Variants in SNCAIP observed in about 807,000 individuals in gnomAD.
The protein encoded by SNCAIP is synuclein alpha interacting protein, also known as synphilin-1.
In SNCAIP, 43 loss-of-function variants were observed where a neutral mutation model predicts 86.7. That is an observed-to-expected ratio of 0.50 (90% CI 0.39 to 0.64). The LOEUF (loss-of-function observed/expected upper bound fraction) is 0.64, where lower values mean the gene tolerates loss of function less well. Among genes scored for constraint, SNCAIP ranks in the 30% least tolerant of loss-of-function variants. The pLI is 0.00. For synonymous variants in SNCAIP, 417 were observed against 427.2 expected, an observed-to-expected ratio of 0.98 and a Z score of 0.29; for missense variants, 981 against 1,103.1, an observed-to-expected ratio of 0.89 and a Z score of 1.57.
At chr5:122,407,170 A>G (rs765564835) in intron 3 of SNCAIP, among the ~76,000 whole-genome samples, 81 of 152,302 alleles carry the variant, frequency 5.3e-4, no homozygotes, top group Non-Finnish European at 9.4e-4. Context: ...CCACAGATAG[A>G]GAGAAGAGGC....
chr5:122,365,276 T>G (rs1762949874), intron 1 of SNCAIP, among the ~76,000 whole-genome samples: 1 of 152,232 alleles, frequency 6.6e-6, no homozygotes, highest in African/African-American at 2.4e-5. Context: ...TTATGTTTAT[T>G]TTTAAATAAT....
intron 3 of SNCAIP, among the ~76,000 whole-genome samples, chr5:122,409,971 G>A (rs1185357753): frequency 6.6e-6 from 1 of 152,136 alleles, no homozygotes; most frequent in African/African-American, 2.4e-5. Flanking sequence ...AAAGAGCAGG[G>A]AAACACATTT....
At position 122,324,478 on chromosome 5, in the gene SNCAIP, C is replaced by T. The variant is rs370753299; in HGVS notation, c.-47+12194C>T. On this transcript the variant is annotated intron_variant, in intron 1 of 10. Transcript: ENST00000261368. ...TCTCAATGTATACGAGTATCTTTCA[C>T]AGTGTCTGGTATGTATTGTATGATC... Among the ~76,000 whole-genome samples the T allele has an allele frequency of 3.9e-5, 6 of 152,316 alleles. No individual in the cohort carries two copies. The South Asian group carries it at 1.0e-3, about 26-fold the overall frequency.
At chr5:122,391,001 C>A in intron 1 of SNCAIP, 88 bp from the exon 2 acceptor site, 2 of 735,450 alleles carry the variant, frequency 2.7e-6, no homozygotes, top group South Asian at 1.5e-5. Context: ...TAACCCTTCT[C>A]ATCTTATTTG....
At chr5:122,433,084 T>C (rs1778724341) in intron 6 of SNCAIP, among the ~76,000 whole-genome samples, 1 of 151,450 alleles carries the variant, frequency 6.6e-6, no homozygotes, top group South Asian at 2.1e-4. Flanking sequence ...TTAGGGATAG[T>C]TTATTTTGTG....
chr5:122,342,977 A>G (rs1168677353), intron 1 of SNCAIP, among the ~76,000 whole-genome samples: 1 of 152,246 alleles, frequency 6.6e-6, no homozygotes, highest in Non-Finnish European at 1.5e-5. Context: ...ACAAAATAGA[A>G]TGTCTTTTTC....
At chr5:122,318,966 CTTTTTTT>C (rs58667095) in intron 1 of SNCAIP, among the ~76,000 whole-genome samples, 24,230 of 130,534 alleles carry the variant, frequency 0.19, 2,102 homozygotes, top group South Asian at 0.33. Flanking sequence ...CTGTTATCAT[CTTTTTTT>C]TTTTTTTTTT....
chr5:122,351,459 C>A (rs1408797368), intron 1 of SNCAIP, among the ~76,000 whole-genome samples: 1 of 139,470 alleles, frequency 7.2e-6, no homozygotes, highest in East Asian at 2.2e-4. Flanking sequence ...ATTGCTTGAA[C>A]CCAGGAGGCA....
chr5:122,362,424 G>GACC (rs1762379368), intron 1 of SNCAIP, among the ~76,000 whole-genome samples: 1 of 152,158 alleles, frequency 6.6e-6, no homozygotes, highest in African/African-American at 2.4e-5. Flanking sequence ...AGTGTTTTCT[G>GACC]ACCCCAGGAA....
At chr5:122,410,823 AAAAC>A (rs767189455) in intron 3 of SNCAIP, among the ~76,000 whole-genome samples, 13 of 152,348 alleles carry the variant, frequency 8.5e-5, no homozygotes, top group South Asian at 6.2e-4. Flanking sequence ...TCCGTCTCAA[AAAAC>A]AAACAAACAA....
rs74746220 is a variant in SNCAIP at position 122,350,129 on chromosome 5, G to A, written c.-47+37845G>A. Among the ~76,000 whole-genome samples, 1,135 of 152,274 alleles carry A rather than the reference G, an allele frequency of 7.5e-3. 30 individuals are homozygous for A. Among genetic ancestry groups the A allele is most frequent in the Admixed American group, 0.032 (494 of 15,290 alleles). On this transcript the variant is annotated intron_variant, in intron 1 of 10. Coordinates refer to ENST00000261368, the MANE Select transcript of SNCAIP (RefSeq NM_005460.4). ...TTTATACAAATTTATTTCAAGAATT[G>A]CATTTTCTTGGTCTTGTCCCATTTC...
intron 1 of SNCAIP, among the ~76,000 whole-genome samples, chr5:122,332,842 G>C (rs1317510237): frequency 6.6e-6 from 1 of 152,170 alleles, no homozygotes; most frequent in African/African-American, 2.4e-5. Context: ...GGGAGAAGCA[G>C]GGGGCAGAAA....
At chr5:122,458,535 T>G (rs952258265) in intron 10 of SNCAIP, among the ~76,000 whole-genome samples, 1 of 152,132 alleles carries the variant, frequency 6.6e-6, no homozygotes, top group Non-Finnish European at 1.5e-5. Flanking sequence ...AAGCAATAGG[T>G]TAGTTGAGTT....
intron 10 of SNCAIP, among the ~76,000 whole-genome samples, chr5:122,462,831 A>C (rs140383262): frequency 1.9e-4 from 29 of 152,356 alleles, no homozygotes; most frequent in African/African-American, 6.5e-4. Flanking sequence ...TTTTACACCC[A>C]GAATGGGAGT....
intron 3 of SNCAIP, among the ~76,000 whole-genome samples, chr5:122,418,891 G>C (rs1233759496): frequency 6.6e-6 from 1 of 152,144 alleles, no homozygotes; most frequent in East Asian, 1.9e-4. Context: ...ACTGAAAAAA[G>C]AGACCAGGGG....
chr5:122,353,589 G>A (rs752040249), intron 1 of SNCAIP, among the ~76,000 whole-genome samples: 4 of 152,012 alleles, frequency 2.6e-5, no homozygotes, highest in Admixed American at 6.6e-5. Context: ...TCATGGGGGC[G>A]GGTCTTTCTT....
intron 1 of SNCAIP, among the ~76,000 whole-genome samples, chr5:122,380,459 C>G (rs948985283): frequency 2.0e-5 from 3 of 150,808 alleles, no homozygotes; most frequent in African/African-American, 7.4e-5. Context: ...TGCTAGTGGT[C>G]TATCAATTTT....
At chr5:122,394,078 A>G (rs1770053283) in intron 2 of SNCAIP, among the ~76,000 whole-genome samples, 1 of 151,738 alleles carries the variant, frequency 6.6e-6, no homozygotes, top group Non-Finnish European at 1.5e-5. Context: ...TCCCATGAAC[A>G]TGCAATTTTC....
chr5:122,328,015 A>G (rs138796657), intron 1 of SNCAIP, among the ~76,000 whole-genome samples: 1 of 152,310 alleles, frequency 6.6e-6, no homozygotes, highest in African/African-American at 2.4e-5. Context: ...TTTAGGGGAC[A>G]GTGTTGGGAT....
Sources: allele counts gnomAD v4.1 joint callset (sites outside exome capture counted in the v4.1 genomes callset), GRCh38; gene constraint gnomAD v4.1.1; transcripts MANE v1.5; gene names NCBI Gene and HGNC (gene_info 2026-07-23, HGNC 2026-07-21).